Variants in STAU2 observed in about 807,000 individuals in gnomAD.
STAU2 encodes the protein staufen double-stranded RNA binding protein 2.
STAU2 carries 20 observed loss-of-function variants against 65.9 expected under a neutral mutation model. The observed-to-expected ratio is 0.30, with a 90% CI of 0.21 to 0.44. The LOEUF (loss-of-function observed/expected upper bound fraction) is 0.44. STAU2 is among the 20% of genes least tolerant of loss of function. The pLI, the probability that STAU2 is intolerant of heterozygous loss-of-function variation, is 1.00. For missense variants in STAU2, 558 were observed against 683.9 expected (o/e 0.82, Z 2.05); for synonymous variants, 232 against 233.9 (o/e 0.99, Z 0.07).
Position 73,468,850 on chromosome 8 carries a change from G to A in STAU2, c.1531-46148C>T, listed in dbSNP as rs193089856. On this transcript the variant is annotated intron_variant, in intron 13 of 14. Coordinates refer to ENST00000524300, the MANE Select transcript of STAU2 (RefSeq NM_001164380.2). ...GGAGAAATAGGAACACTTTTACACCGTTGGTGGGACTGTAAACTAGTTCAA... is the reference window on the plus strand; with the variant it reads ...GGAGAAATAGGAACACTTTTACACCATTGGTGGGACTGTAAACTAGTTCAA... 9.6e-3 allele frequency among the ~76,000 whole-genome samples: 1,467 copies of A among 152,298 alleles called. 15 individuals carry two copies. Among genetic ancestry groups the A allele is most frequent in the Non-Finnish European group, 0.014 (983 of 68,040 alleles).
chr8:73,519,823 C>T (rs1211389953), intron 13 of STAU2, among the ~76,000 whole-genome samples: 1 of 152,190 alleles, frequency 6.6e-6, no homozygotes, highest in African/African-American at 2.4e-5. Flanking sequence ...AGACTCTGCC[C>T]TGTATCTCAA....
At chr8:73,602,871 T>C (rs905988273) in intron 10 of STAU2, among the ~76,000 whole-genome samples, 1 of 152,148 alleles carries the variant, frequency 6.6e-6, no homozygotes, top group Non-Finnish European at 1.5e-5. Context: ...ACTGAATATG[T>C]AAGGCTGAAA....
intron 6 of STAU2, among the ~76,000 whole-genome samples, chr8:73,638,082 C>T (rs914508422): frequency 1.3e-5 from 2 of 151,884 alleles, no homozygotes; most frequent in African/African-American, 2.4e-5. Context: ...TATACATATA[C>T]ATATCCAGAG....
intron 13 of STAU2, among the ~76,000 whole-genome samples, chr8:73,427,031 C>T (rs1020421645): frequency 1.1e-4 from 16 of 150,412 alleles, no homozygotes; most frequent in Non-Finnish European, 1.8e-4. Context: ...CGGGTTCAAG[C>T]GATTCTCCTG....
At chr8:73,663,681 C>T (rs1208860638) in intron 6 of STAU2, among the ~76,000 whole-genome samples, 1 of 149,942 alleles carries the variant, frequency 6.7e-6, no homozygotes, top group Non-Finnish European at 1.5e-5. Context: ...ATTGCATCTT[C>T]ACATCAACTT....
At chr8:73,743,916 C>T (rs916738870) in intron 1 of STAU2, among the ~76,000 whole-genome samples, 4 of 151,648 alleles carry the variant, frequency 2.6e-5, no homozygotes, top group African/African-American at 4.8e-5. Context: ...GGATTACAGG[C>T]GCGCACCACC....
chr8:73,633,894 C>CT lies in STAU2; in HGVS notation c.411-16444dup, dbSNP rs549271159. 9.0e-4 allele frequency among the ~76,000 whole-genome samples: 137 copies of CT among 152,032 alleles called. 1 individual carries two copies. The highest frequency in any genetic ancestry group is 3.2e-3 in the African/African-American group (131 of 41,478). On this transcript the variant is annotated intron_variant, in intron 6 of 14. Transcript: ENST00000524300. ...TACTCAGGAGGCTGAGGCAGAACTGCTTGATCCCAAGAGACAGAAGTTGCA... is the reference window on the plus strand; with the variant it reads ...TACTCAGGAGGCTGAGGCAGAACTGCTTTGATCCCAAGAGACAGAAGTTGCA...
chr8:73,425,027 C>T (rs1026430745), intron 13 of STAU2, among the ~76,000 whole-genome samples: 1 of 152,112 alleles, frequency 6.6e-6, no homozygotes, highest in African/African-American at 2.4e-5. Context: ...TCATGCTGGA[C>T]AACAGCCAGG....
chr8:73,560,029 T>A (rs1808086814), intron 12 of STAU2, among the ~76,000 whole-genome samples: 1 of 151,156 alleles, frequency 6.6e-6, no homozygotes. Context: ...CAGAATCACC[T>A]TGGAAACGAA....
chr8:73,590,341 G>T (rs1208343520), intron 11 of STAU2, among the ~76,000 whole-genome samples: 1 of 148,640 alleles, frequency 6.7e-6, no homozygotes, highest in East Asian at 2.0e-4. Flanking sequence ...GGCTGAGAGA[G>T]GAAAAAAAAT....
chr8:73,421,537 T>C (rs1338552726), intron 14 of STAU2, 72 bp from the exon 15 acceptor site: 2 of 1,422,968 alleles, frequency 1.4e-6, no homozygotes, highest in African/African-American at 2.8e-5. Flanking sequence ...TATTAGCAGA[T>C]GGCACAGAGG....
At chr8:73,608,632 G>GA (rs1355462015) in intron 9 of STAU2, among the ~76,000 whole-genome samples, 1 of 145,166 alleles carries the variant, frequency 6.9e-6, no homozygotes, top group African/African-American at 2.5e-5. Flanking sequence ...AAAAGAAAAA[G>GA]AAAAAAAAGA....
At chr8:73,556,863 GA>G (rs1468995573) in intron 12 of STAU2, among the ~76,000 whole-genome samples, 1 of 152,120 alleles carries the variant, frequency 6.6e-6, no homozygotes, top group East Asian at 1.9e-4. Context: ...TTGGTGAGAT[GA>G]AAATGTCAAG....
At chr8:73,452,030 G>A (rs897502176) in intron 13 of STAU2, among the ~76,000 whole-genome samples, 3 of 152,224 alleles carry the variant, frequency 2.0e-5, no homozygotes, top group African/African-American at 4.8e-5. Flanking sequence ...CCTGGAGCAA[G>A]GCAGAGCAAG....
At chr8:73,690,883 T>C (rs1819282892) in intron 4 of STAU2, among the ~76,000 whole-genome samples, 1 of 152,224 alleles carries the variant, frequency 6.6e-6, no homozygotes, top group African/African-American at 2.4e-5. Context: ...AATGTATCTT[T>C]AATACTCTCT....
chr8:73,453,986 A>G (rs748924449), intron 13 of STAU2, among the ~76,000 whole-genome samples: 86 of 152,212 alleles, frequency 5.7e-4, no homozygotes, highest in Non-Finnish European at 1.0e-3. Context: ...GTAGCCAGAA[A>G]ACAAATGTAC....
chr8:73,495,678 T>TATATATATATATATATATATATATATAC (rs1387768770), intron 13 of STAU2, among the ~76,000 whole-genome samples: 4 of 147,700 alleles, frequency 2.7e-5, no homozygotes, highest in African/African-American at 1.0e-4. Context: ...TATATATATA[T>TATATATATATATATATATATATATATAC]ATATATATAT....
chr8:73,436,477 A>T (rs1048676078), intron 13 of STAU2, among the ~76,000 whole-genome samples: 1 of 151,896 alleles, frequency 6.6e-6, no homozygotes. Flanking sequence ...TAAAAATAAA[A>T]GTTCTAAACC....
chr8:73,485,845 C>A (rs7841903), intron 13 of STAU2, among the ~76,000 whole-genome samples: 59,224 of 151,838 alleles, frequency 0.39, 13,011 homozygotes, highest in Non-Finnish European at 0.49. Context: ...AACAAACAAA[C>A]AAACAAACAA....
Sources: gnomAD v4.1 joint callset for allele counts (sites outside exome capture counted in the v4.1 genomes callset) on GRCh38, gnomAD v4.1.1 for gene constraint, MANE v1.5 for transcripts, NCBI Gene and HGNC (gene_info 2026-07-23, HGNC 2026-07-21) for gene names.